The following SLIT3 variants were observed in gnomAD, a reference collection of about 807,000 sequenced individuals.
The protein encoded by SLIT3 is slit guidance ligand 3.
A neutral mutation model predicts 184.0 loss-of-function variants in SLIT3; 68 were observed. That is an observed-to-expected ratio of 0.37 (90% confidence interval 0.30 to 0.45). SLIT3 has a LOEUF of 0.45. Among genes scored for constraint, SLIT3 ranks in the 20% least tolerant of loss-of-function variants. The probability of loss-of-function intolerance (pLI) is 1.00; values close to 1 mark genes in which losing one functional copy is unlikely to be tolerated. For missense variants in SLIT3, 1,707 were observed against 2,026.0 expected (o/e 0.84, Z 3.02); for synonymous variants, 831 against 828.6 (o/e 1.00, Z -0.05).
chr5:168,947,773 T>TTTG (rs373469858), intron 4 of SLIT3, among the ~76,000 whole-genome samples: 1 of 152,050 alleles, frequency 6.6e-6, no homozygotes, highest in Admixed American at 6.6e-5. Flanking sequence ...AGGTAGTTTT[T>TTTG]TTGTTGTTGT....
intron 4 of SLIT3, among the ~76,000 whole-genome samples, chr5:169,083,536 G>A (rs1472612700): frequency 6.6e-6 from 1 of 152,214 alleles, no homozygotes; most frequent in Non-Finnish European, 1.5e-5. Context: ...TTGCACATTG[G>A]CAAACAGGAA....
chr5:168,706,780 A>T (rs1465602093), intron 26 of SLIT3: 1 of 152,302 alleles, frequency 6.6e-6, no homozygotes, highest in South Asian at 2.1e-4. Flanking sequence ...TGCTAGAAGC[A>T]CAGCCATCGT....
At chr5:168,790,170 C>T (rs528739922) in intron 10 of SLIT3, 1 of 153,156 alleles carries the variant, frequency 6.5e-6, no homozygotes, top group Non-Finnish European at 1.5e-5. Flanking sequence ...AAGTCTCTGT[C>T]TGGTCTGGTG....
At chr5:168,689,348 T>C (rs1761841247) in intron 29 of SLIT3, among the ~76,000 whole-genome samples, 1 of 152,264 alleles carries the variant, frequency 6.6e-6, no homozygotes, top group Non-Finnish European at 1.5e-5. Context: ...TGCATTTTAA[T>C]ATGTGTTGGG....
intron 4 of SLIT3, among the ~76,000 whole-genome samples, chr5:168,883,636 A>G (rs1386288427): frequency 6.6e-6 from 1 of 152,072 alleles, no homozygotes; most frequent in Non-Finnish European, 1.5e-5. Context: ...CACTGCACCC[A>G]ATTCTCTGTT....
chr5:169,107,906 C>A lies in SLIT3; in HGVS notation c.413+85573G>T, dbSNP rs914294689. On this transcript the variant is annotated intron_variant, in intron 4 of 35. Transcript: ENST00000519560. ...CAGCTTGAGAACTCCTTCAGAGAAG[C>A]CTTCTTGACCTCGATGATCGGGCTG... is the stretch of plus-strand genomic sequence containing the variant. Among the ~76,000 whole-genome samples, 7 of 152,248 alleles carry A rather than the reference C, an allele frequency of 4.6e-5. No homozygotes were observed. In the East Asian group the frequency reaches 1.2e-3, roughly 25 times the overall value.
intron 2 of SLIT3, among the ~76,000 whole-genome samples, chr5:169,248,197 C>T (rs1007940627): frequency 2.6e-5 from 4 of 152,140 alleles, no homozygotes; most frequent in African/African-American, 9.7e-5. Context: ...TGACTCTAGC[C>T]TCAAGGAACT....
intron 1 of SLIT3, among the ~76,000 whole-genome samples, chr5:169,268,154 C>A (rs761164050): frequency 6.6e-6 from 1 of 152,134 alleles, no homozygotes; most frequent in Non-Finnish European, 1.5e-5. Flanking sequence ...TAATTTGATG[C>A]ACATTTGGGA....
intron 4 of SLIT3, among the ~76,000 whole-genome samples, chr5:169,016,690 G>T (rs927304796): frequency 6.6e-6 from 1 of 152,094 alleles, no homozygotes; most frequent in African/African-American, 2.4e-5. Context: ...AGTGTTAAAG[G>T]CATGTTAATA....
chr5:169,293,758 T>C (rs1338737825), intron 1 of SLIT3, among the ~76,000 whole-genome samples: 1 of 152,210 alleles, frequency 6.6e-6, no homozygotes, highest in Admixed American at 6.5e-5. Context: ...CATGCACGCT[T>C]TGGCCAATTT....
At chr5:168,791,797 C>T (rs1289106134) in intron 10 of SLIT3, 1 of 152,200 alleles carries the variant, frequency 6.6e-6, no homozygotes, top group Non-Finnish European at 1.5e-5. Flanking sequence ...TAACTACATT[C>T]ACCGTGTTGT....
intron 27 of SLIT3, among the ~76,000 whole-genome samples, chr5:168,698,974 C>T (rs1053351584): frequency 2.6e-5 from 4 of 152,300 alleles, no homozygotes; most frequent in East Asian, 1.9e-4. Context: ...TTGCCTGCAG[C>T]GGGGAGCTCT....
rs1755944428 is a variant in SLIT3, at chr5:168,780,846, T to C, written c.1151+5061A>G. ...TAAAATATGGGGATTAATTTAGACC[T>C]TCAGCAACCTACTGAGGCTGGATGT... On this transcript the variant is annotated intron_variant, in intron 12 of 35. Coordinates refer to ENST00000519560, the MANE Select transcript of SLIT3 (RefSeq NM_003062.4). Among the ~76,000 whole-genome samples the C allele has an allele frequency of 2.0e-5, 3 of 152,238 alleles. No individual in the cohort carries two copies. The South Asian group carries it at 6.2e-4, about 32-fold the overall frequency.
At chr5:168,891,126 T>G (rs545465485) in intron 4 of SLIT3, among the ~76,000 whole-genome samples, 1 of 152,196 alleles carries the variant, frequency 6.6e-6, no homozygotes, top group Non-Finnish European at 1.5e-5. Flanking sequence ...TGTTCTAGCA[T>G]GAAGTTCACA....
At chr5:168,945,180 C>T (rs1678542789) in intron 4 of SLIT3, among the ~76,000 whole-genome samples, 2 of 152,122 alleles carry the variant, frequency 1.3e-5, no homozygotes, top group African/African-American at 4.8e-5. Flanking sequence ...AATGACTGAC[C>T]ATGCAAAACT....
chr5:169,253,471 C>A (rs1765847512), intron 1 of SLIT3, among the ~76,000 whole-genome samples: 1 of 152,162 alleles, frequency 6.6e-6, no homozygotes, highest in African/African-American at 2.4e-5. Flanking sequence ...CAGAGGCAGG[C>A]AGTCCTGAGC....
chr5:169,186,871 ACCAT>A (rs1763360337), intron 4 of SLIT3, among the ~76,000 whole-genome samples: 1 of 8,038 alleles, frequency 1.2e-4, no homozygotes, highest in South Asian at 1.7e-3. Flanking sequence ...CCACCATGAT[ACCAT>A]GATAACAGCG....
chr5:169,114,712 C>T (rs1760584469), intron 4 of SLIT3, among the ~76,000 whole-genome samples: 1 of 152,220 alleles, frequency 6.6e-6, no homozygotes, highest in African/African-American at 2.4e-5. Flanking sequence ...CACCTCTGTC[C>T]TCCTCCTTGG....
chr5:169,034,432 G>T (rs1757154616), intron 4 of SLIT3, among the ~76,000 whole-genome samples: 1 of 152,086 alleles, frequency 6.6e-6, no homozygotes. Flanking sequence ...TTTGTGAGTG[G>T]TATAAGTTAA....
Sources: allele counts gnomAD v4.1 joint callset (sites outside exome capture counted in the v4.1 genomes callset), GRCh38; gene constraint gnomAD v4.1.1; transcripts MANE v1.5; gene names NCBI Gene and HGNC (gene_info 2026-07-23, HGNC 2026-07-21).